TMEM272: variants seen among roughly 807,000 people sequenced by gnomAD.
TMEM272 encodes the protein transmembrane protein 272.
A neutral mutation model predicts 3.7 loss-of-function variants in TMEM272; 8 were observed. That is an observed-to-expected ratio of 2.17 (90% CI 1.27 to 3.91). The LOEUF (loss-of-function observed/expected upper bound fraction) is 3.91. Ranked by LOEUF, TMEM272 falls within the 30% of genes most tolerant of loss-of-function variation. The pLI, the probability that TMEM272 is intolerant of heterozygous loss-of-function variation, is 0.00. For missense variants in TMEM272, 166 were observed against 91.5 expected (o/e 1.81, Z -3.32); for synonymous variants, 63 against 39.8 (o/e 1.58, Z -2.20).
intron 2 of TMEM272, among the ~76,000 whole-genome samples, chr13:51,834,772 GACAGGTGCA>G (rs1956200724): frequency 1.3e-5 from 2 of 152,166 alleles, no homozygotes; most frequent in South Asian, 4.1e-4. Context: ...AGGACCCCCT[GACAGGTGCA>G]ACAGCCTGGG....
intron 2 of TMEM272, among the ~76,000 whole-genome samples, 169 bp from the exon 3 acceptor site, chr13:51,826,794 T>C (rs1030701283): frequency 1.3e-5 from 2 of 152,232 alleles, no homozygotes; most frequent in Non-Finnish European, 2.9e-5. Flanking sequence ...ACACAGTGGA[T>C]GCAAGCCAAG....
At chr13:51,825,163 CCTG>C (rs1200513720) in intron 3 of TMEM272, among the ~76,000 whole-genome samples, 1 of 152,166 alleles carries the variant, frequency 6.6e-6, no homozygotes, top group African/African-American at 2.4e-5. Context: ...AGCACCAGGG[CCTG>C]CTGAAGTGAT....
intron 3 of TMEM272, among the ~76,000 whole-genome samples, chr13:51,824,723 C>T (rs921939612): frequency 6.6e-6 from 1 of 152,120 alleles, no homozygotes; most frequent in Admixed American, 6.5e-5. Context: ...GAGGCCGAGG[C>T]GGGCAGATCA....
At chr13:51,853,324 C>T in the TMEM272 span, among the ~76,000 whole-genome samples, 2 of 151,928 alleles carry the variant, frequency 1.3e-5, no homozygotes, top group Non-Finnish European at 2.9e-5. Flanking sequence ...GCAGAAGAAT[C>T]GCTTGAACCT....
chr13:51,822,054 C>A lies in TMEM272; in HGVS notation c.201+1G>T, dbSNP rs77506300. On this transcript the variant is annotated splice_donor_variant, in intron 4 of 4. Coordinates refer to ENST00000629372, the MANE Select transcript of TMEM272 (RefSeq NM_001351003.2). LOFTEE classifies it high-confidence loss of function. Reference sequence around the variant, plus strand: ...ACAAACAGCAGATAAAGATACTTTACCTTTAAGGTACCGACGATGCCACCC... The same window carrying A: ...ACAAACAGCAGATAAAGATACTTTAACTTTAAGGTACCGACGATGCCACCC... 2.1e-5 allele frequency: 15 copies of A among 702,358 alleles called. No individual in the cohort carries two copies. Among genetic ancestry groups the A allele is most frequent in the Non-Finnish European group, 3.9e-5 (15 of 384,988 alleles). The allele number at this position is 702,358 out of a possible 1,614,324, so 43.5% of individuals were successfully genotyped here.
At chr13:51,831,593 C>T (rs372734023) in intron 2 of TMEM272, among the ~76,000 whole-genome samples, 15 of 152,200 alleles carry the variant, frequency 9.9e-5, no homozygotes, top group East Asian at 3.9e-4. Flanking sequence ...GTTACCAGCA[C>T]GAGGCCTTCT....
chr13:51,841,287 T>C (rs1187743903), intron 1 of TMEM272, among the ~76,000 whole-genome samples: 3 of 152,176 alleles, frequency 2.0e-5, no homozygotes, highest in Non-Finnish European at 4.4e-5. Context: ...AGCATTTTTC[T>C]CCTGGATCAC....
chr13:51,931,696 G>A, the TMEM272 span, among the ~76,000 whole-genome samples: 4 of 152,214 alleles, frequency 2.6e-5, no homozygotes, highest in East Asian at 5.8e-4. Flanking sequence ...TCCTAAGGTG[G>A]TATCACCCTC....
the TMEM272 span, among the ~76,000 whole-genome samples, chr13:51,882,759 TAAA>T: frequency 6.6e-6 from 1 of 150,670 alleles, no homozygotes. Flanking sequence ...AAATAACAAA[TAAA>T]AAATATAAAA....
At chr13:51,883,345 C>G in the TMEM272 span, among the ~76,000 whole-genome samples, 942 of 152,298 alleles carry the variant, frequency 6.2e-3, 14 homozygotes, top group African/African-American at 0.021. Flanking sequence ...AGGTTCTTGT[C>G]CTGTGACCAA....
intron 1 of TMEM272, among the ~76,000 whole-genome samples, chr13:51,841,617 A>C (rs1478680158): frequency 6.6e-6 from 1 of 152,234 alleles, no homozygotes; most frequent in Non-Finnish European, 1.5e-5. Flanking sequence ...TTTTAATGCA[A>C]ATGTCCTAAA....
chr13:51,867,757 G>C, the TMEM272 span, among the ~76,000 whole-genome samples: 3 of 152,132 alleles, frequency 2.0e-5, no homozygotes, highest in Non-Finnish European at 4.4e-5. Context: ...CTCTCCATGG[G>C]TCCCAGGGCA....
At chr13:51,911,229 C>G in the TMEM272 span, among the ~76,000 whole-genome samples, 1 of 152,122 alleles carries the variant, frequency 6.6e-6, no homozygotes, top group African/African-American at 2.4e-5. Flanking sequence ...TTGACCATTA[C>G]GTCATTGAAG....
chr13:51,920,828 C>A, the TMEM272 span, among the ~76,000 whole-genome samples: 1 of 152,174 alleles, frequency 6.6e-6, no homozygotes, highest in Non-Finnish European at 1.5e-5. Context: ...CGTTTCTTGG[C>A]TGTAGATCCC....
At chr13:51,928,693 A>G in the TMEM272 span, among the ~76,000 whole-genome samples, 1 of 152,160 alleles carries the variant, frequency 6.6e-6, no homozygotes, top group Non-Finnish European at 1.5e-5. Context: ...CAGTTTGTAG[A>G]GTGGCCCCCA....
chr13:51,886,929 C>A, the TMEM272 span, among the ~76,000 whole-genome samples: 14 of 152,272 alleles, frequency 9.2e-5, no homozygotes, highest in East Asian at 2.5e-3. Context: ...GCTGACTCCT[C>A]AAAACTAACT....
chr13:51,909,352 C>G, the TMEM272 span: 1 of 874,224 alleles, frequency 1.1e-6, no homozygotes, highest in South Asian at 1.3e-5. Flanking sequence ...GTCTCCAGCT[C>G]TTCAGTGGCA....
chr13:51,868,036 T>A, the TMEM272 span, among the ~76,000 whole-genome samples: 1 of 152,372 alleles, frequency 6.6e-6, no homozygotes, highest in South Asian at 2.1e-4. Context: ...AAGGAAGTTC[T>A]CAAAGCTTGT....
the TMEM272 span, among the ~76,000 whole-genome samples, chr13:51,855,454 A>AG: frequency 6.6e-6 from 1 of 152,194 alleles, no homozygotes; most frequent in Non-Finnish European, 1.5e-5. Context: ...GAAAACCAAG[A>AG]GGGAAAAAAA....
Sources: gnomAD v4.1 joint callset for allele counts (sites outside exome capture counted in the v4.1 genomes callset) on GRCh38, gnomAD v4.1.1 for gene constraint, MANE v1.5 for transcripts, NCBI Gene and HGNC (gene_info 2026-07-23, HGNC 2026-07-21) for gene names.